Variants in WDR1 observed in about 807,000 individuals in gnomAD.
The protein encoded by WDR1 is WD repeat-containing protein 1.
Under a neutral mutation model 71.9 loss-of-function variants are expected in WDR1, and 21 were observed. That is an observed-to-expected ratio of 0.29 (90% CI 0.21 to 0.42). The LOEUF (loss-of-function observed/expected upper bound fraction) is 0.42, where lower values mean the gene tolerates loss of function less well. WDR1 is among the 10% of genes least tolerant of loss of function. WDR1 has a pLI of 1.00. For synonymous variants in WDR1, 424 were observed against 347.4 expected, an observed-to-expected ratio of 1.22 and a Z score of -2.45; for missense variants, 696 against 824.5, an observed-to-expected ratio of 0.84 and a Z score of 1.91.
intron 2 of WDR1, among the ~76,000 whole-genome samples, chr4:10,109,960 A>G (rs555583691): frequency 1.3e-5 from 2 of 152,352 alleles, no homozygotes; most frequent in South Asian, 4.1e-4. Context: ...TGATCCCATG[A>G]TAACATTCCT....
At chr4:10,109,201 C>G (rs1199406549) in intron 2 of WDR1, among the ~76,000 whole-genome samples, 1 of 152,258 alleles carries the variant, frequency 6.6e-6, no homozygotes, top group African/African-American at 2.4e-5. Flanking sequence ...GGGCGATACG[C>G]CCCAGGCCAC....
chr4:10,078,619 G>A (rs1347211477), intron 12 of WDR1: 7 of 326,012 alleles, frequency 2.1e-5, no homozygotes, highest in Non-Finnish European at 4.0e-5. Flanking sequence ...TGCCCTCCTC[G>A]GCACTCCCTC....
At position 10,078,883 on chromosome 4, in the gene WDR1, C is replaced by A; in HGVS notation, c.1395+8G>T. 1.2e-6 allele frequency: 2 copies of A among 1,609,922 alleles called. No homozygotes were observed. The highest frequency in any genetic ancestry group is 1.7e-6 in the Non-Finnish European group (2 of 1,177,224). The stretch of plus-strand genomic sequence containing the variant: ...ACAGAGAGCACGGGGGAGAGGAAAG[C>A]GACTTACCACACCCCCAATTGCCAC... On this transcript the variant is annotated splice_region_variant and intron_variant, in intron 12 of 14. Coordinates refer to ENST00000499869, the MANE Select transcript of WDR1 (RefSeq NM_017491.5).
intron 10 of WDR1, among the ~76,000 whole-genome samples, chr4:10,082,123 T>C (rs773712300): frequency 1.4e-4 from 22 of 152,162 alleles, no homozygotes; most frequent in Admixed American, 4.6e-4. Context: ...CACAGGGCAG[T>C]AGAAAGAGGA....
chr4:10,088,265 C>G (rs1407889523), intron 7 of WDR1, 28 bp downstream of exon 7: 1 of 1,547,862 alleles, frequency 6.5e-7, no homozygotes, highest in African/African-American at 1.4e-5. Context: ...ATTCCCACCA[C>G]TAGGCCGGGA....
Position 10,115,186 on chromosome 4 carries a change from C to T in WDR1, c.138+927G>A, listed in dbSNP as rs868223944. Among the ~76,000 whole-genome samples the T allele has an allele frequency of 4.7e-4, 72 of 152,322 alleles. 1 individual carries two copies. The highest frequency in any genetic ancestry group is 8.3e-4 in the South Asian group (4 of 4,828). On this transcript the variant is annotated intron_variant, in intron 2 of 14. Coordinates refer to ENST00000499869, the MANE Select transcript of WDR1 (RefSeq NM_017491.5). ...AGGAGAAATCACCCAATGGCCGGGC[C>T]GGCACCTCCAACTCCCACCCCACCA...
chr4:10,095,638 G>C (rs561999844), intron 5 of WDR1, among the ~76,000 whole-genome samples: 99 of 152,332 alleles, frequency 6.5e-4, no homozygotes, highest in African/African-American at 2.3e-3. Context: ...GTATTTGGGG[G>C]CAGGTGTGGG....
intron 2 of WDR1, among the ~76,000 whole-genome samples, chr4:10,114,936 C>T (rs1713618014): frequency 6.6e-6 from 1 of 152,222 alleles, no homozygotes; most frequent in Non-Finnish European, 1.5e-5. Flanking sequence ...GCCAGCAGCT[C>T]TTCGGACCAA....
chr4:10,116,273 G>C (rs756898419), intron 1 of WDR1, 39 bp from the exon 2 acceptor site: 6 of 1,611,002 alleles, frequency 3.7e-6, no homozygotes, highest in Non-Finnish European at 4.2e-6. Context: ...GTCAGGGCAG[G>C]GCGGGGACGG....
intron 8 of WDR1, among the ~76,000 whole-genome samples, chr4:10,084,805 G>A (rs577255039): frequency 9.1e-4 from 138 of 152,298 alleles, no homozygotes; most frequent in African/African-American, 3.2e-3. Context: ...GCCCAGACCT[G>A]CGTCTAACCA....
intron 5 of WDR1, chr4:10,092,960 A>G (rs1712094966): frequency 1.9e-5 from 17 of 894,228 alleles, no homozygotes; most frequent in Non-Finnish European, 2.7e-5. Context: ...CCTTGCAGCC[A>G]ACACATAGCC....
Position 10,116,712 on chromosome 4 carries a change from G to A in WDR1, c.-46C>T, listed in dbSNP as rs912616496. ...GCCGCGCTCGCCGAGAGCCTCCGGG[G>A]CCGGCCCGCGCTGCGAATTACACCT... On this transcript the variant is annotated 5_prime_UTR_variant, in exon 1 of 15. Coordinates refer to ENST00000499869, the MANE Select transcript of WDR1 (RefSeq NM_017491.5). The A allele has an allele frequency of 1.0e-4, 136 of 1,320,340 alleles. No individual in the cohort carries two copies. Among genetic ancestry groups the A allele is most frequent in the Non-Finnish European group, 1.2e-4 (125 of 1,031,898 alleles). 81.8% of individuals were successfully genotyped at this position (1,320,340 alleles called of 1,614,324 possible). A position where few individuals can be genotyped will look rare whatever the true frequency, so the allele number is the denominator to read the frequency against.
chr4:10,082,937 C>G (rs998776714), intron 10 of WDR1, 85 bp downstream of exon 10: 1 of 1,514,064 alleles, frequency 6.6e-7, no homozygotes. Flanking sequence ...GAGGCGTCCT[C>G]CAGAACAGTA....
chr4:10,084,689 C>A (rs566133146), intron 8 of WDR1, among the ~76,000 whole-genome samples, 159 bp from the exon 9 acceptor site: 1 of 152,122 alleles, frequency 6.6e-6, no homozygotes, highest in African/African-American at 2.4e-5. Context: ...CCCAGCTGCC[C>A]GAATGCACGG....
intron 1 of WDR1, 66 bp downstream of exon 1, chr4:10,116,585 A>AGGGGCCGGGGACC (rs889499112): frequency 1.2e-5 from 13 of 1,116,824 alleles, no homozygotes; most frequent in South Asian, 4.3e-5. Flanking sequence ...CACGGCGCCT[A>AGGGGCCGGGGACC]GGGGCCGGGG....
intron 10 of WDR1, among the ~76,000 whole-genome samples, chr4:10,082,588 T>C (rs1354417382): frequency 6.6e-6 from 1 of 151,806 alleles, no homozygotes; most frequent in African/African-American, 2.4e-5. Context: ...ACCAGATCAC[T>C]GTGTGCCCAT....
intron 2 of WDR1, 199 bp downstream of exon 2, chr4:10,115,914 C>G: frequency 1.5e-6 from 1 of 651,720 alleles, no homozygotes; most frequent in South Asian, 2.0e-5. Context: ...GTTTCCTCAT[C>G]AAGAAGGAGC....
intron 3 of WDR1, 23 bp from the exon 4 acceptor site, chr4:10,099,162 G>A (rs1425666809): frequency 1.4e-6 from 2 of 1,404,152 alleles, no homozygotes; most frequent in Non-Finnish European, 2.0e-6. Context: ...GCGGGCGGGG[G>A]AGGGGGGGAG....
intron 5 of WDR1, among the ~76,000 whole-genome samples, chr4:10,090,971 G>C (rs1578428593): frequency 6.6e-6 from 1 of 152,364 alleles, no homozygotes; most frequent in Non-Finnish European, 1.5e-5. Flanking sequence ...GAAGCACCAG[G>C]CTGGCTCAGT....
Sources: gnomAD v4.1 joint callset for allele counts (sites outside exome capture counted in the v4.1 genomes callset) on GRCh38, gnomAD v4.1.1 for gene constraint, MANE v1.5 for transcripts, NCBI Gene and HGNC (gene_info 2026-07-23, HGNC 2026-07-21) for gene names.